FHIT: variants seen among roughly 807,000 people sequenced by gnomAD.
FHIT encodes the protein bis(5'-adenosyl)-triphosphatase.
In FHIT, 19 loss-of-function variants were observed where a neutral mutation model predicts 17.9. That is an observed-to-expected ratio of 1.06 (90% CI 0.74 to 1.56). The LOEUF (loss-of-function observed/expected upper bound fraction) is 1.56, where lower values mean the gene tolerates loss of function less well. Ranked by LOEUF, FHIT falls within the 40% of genes most tolerant of loss-of-function variation. The probability of loss-of-function intolerance (pLI) is 0.00; values close to 1 mark genes in which losing one functional copy is unlikely to be tolerated. For synonymous variants in FHIT, 81 were observed against 69.7 expected (o/e 1.16, Z -0.81); for missense variants, 248 against 189.2 (o/e 1.31, Z -1.82).
intron 4 of FHIT, among the ~76,000 whole-genome samples, chr3:60,644,205 G>A (rs939236436): frequency 1.3e-5 from 2 of 152,164 alleles, no homozygotes; most frequent in Admixed American, 6.5e-5. Context: ...CTGAAAAAGA[G>A]AAAATTTAAC....
At chr3:60,690,318 T>G (rs782163252) in intron 4 of FHIT, 6 of 564,958 alleles carry the variant, frequency 1.1e-5, no homozygotes, top group Non-Finnish European at 1.7e-5. Flanking sequence ...TATCCATGCC[T>G]TCTTTCACCC....
chr3:60,569,507 T>C (rs973899122), intron 4 of FHIT, among the ~76,000 whole-genome samples: 2 of 151,844 alleles, frequency 1.3e-5, no homozygotes, highest in Non-Finnish European at 2.9e-5. Context: ...TACTGAGTAA[T>C]GAGTTAGCAG....
At chr3:60,954,429 A>C (rs1709025563) in intron 3 of FHIT, among the ~76,000 whole-genome samples, 1 of 152,182 alleles carries the variant, frequency 6.6e-6, no homozygotes, top group Admixed American at 6.5e-5. Context: ...TAGGCTCTGG[A>C]GAGTTTAGAG....
chr3:60,895,639 T>C (rs1705751347), intron 3 of FHIT, among the ~76,000 whole-genome samples: 1 of 151,892 alleles, frequency 6.6e-6, no homozygotes, highest in Non-Finnish European at 1.5e-5. Flanking sequence ...CTCCCTTCTT[T>C]CCTTCCTTTC....
intron 5 of FHIT, among the ~76,000 whole-genome samples, chr3:60,334,506 G>A (rs1481387702): frequency 6.6e-6 from 1 of 152,164 alleles, no homozygotes; most frequent in African/African-American, 2.4e-5. Context: ...CTGATGTATT[G>A]GCCAGCACAG....
At chr3:60,655,193 T>C (rs570964648) in intron 4 of FHIT, among the ~76,000 whole-genome samples, 4 of 152,282 alleles carry the variant, frequency 2.6e-5, no homozygotes, top group Non-Finnish European at 4.4e-5. Flanking sequence ...ACCAGGAATG[T>C]TGAAAAGTGA....
At chr3:60,695,728 G>A (rs1393955531) in intron 4 of FHIT, among the ~76,000 whole-genome samples, 2 of 152,140 alleles carry the variant, frequency 1.3e-5, no homozygotes, top group African/African-American at 4.8e-5. Flanking sequence ...GAACAGGGAC[G>A]CTGGGACAAG....
intron 5 of FHIT, among the ~76,000 whole-genome samples, chr3:60,436,241 G>C (rs982355112): frequency 1.3e-5 from 2 of 151,864 alleles, no homozygotes; most frequent in South Asian, 2.1e-4. Context: ...AGAGATGGGA[G>C]ATTTCACCAT....
At chr3:60,464,374 T>C (rs575503173) in intron 5 of FHIT, among the ~76,000 whole-genome samples, 5 of 152,252 alleles carry the variant, frequency 3.3e-5, no homozygotes, top group African/African-American at 1.2e-4. Flanking sequence ...AACAATCCTA[T>C]CATATTTTTA....
chr3:60,935,863 A>C (rs1220078548), intron 3 of FHIT, among the ~76,000 whole-genome samples: 6 of 152,190 alleles, frequency 3.9e-5, no homozygotes, highest in African/African-American at 1.2e-4. Flanking sequence ...ACATGGACAC[A>C]CTTCTGCTTT....
chr3:60,905,197 G>A (rs11926400), intron 3 of FHIT, among the ~76,000 whole-genome samples: 30,496 of 151,918 alleles, frequency 0.2, 3,510 homozygotes, highest in Middle Eastern at 0.31. Context: ...TCTGCAAACC[G>A]AAAACTCTTC....
At position 59,749,284 on chromosome 3, in the gene FHIT, G is replaced by A. The variant is rs1700752553; in HGVS notation, c.*301C>T. On this transcript the variant is annotated 3_prime_UTR_variant, in exon 10 of 10. Coordinates refer to ENST00000492590, the MANE Select transcript of FHIT (RefSeq NM_002012.4). ...TAATAGGTTTGTTGCCTAATTCATGGCAAGTCAATACACCGAGACACAGGG... is the reference window on the plus strand; with the variant it reads ...TAATAGGTTTGTTGCCTAATTCATGACAAGTCAATACACCGAGACACAGGG... The A allele has an allele frequency of 4.3e-6, 1 of 230,720 alleles. No homozygotes were observed. The highest frequency in any genetic ancestry group is 5.7e-5 in the Admixed American group (1 of 17,674). The allele number at this position is 230,720 out of a possible 1,614,324, so 14.3% of individuals were successfully genotyped here.
intron 4 of FHIT, among the ~76,000 whole-genome samples, chr3:60,663,308 A>T (rs182623352): frequency 6.6e-6 from 1 of 151,630 alleles, no homozygotes; most frequent in Non-Finnish European, 1.5e-5. Context: ...TCAAAGATCA[A>T]TTTGGGCAGA....
At chr3:61,141,856 T>C (rs1311966989) in intron 2 of FHIT, among the ~76,000 whole-genome samples, 1 of 151,606 alleles carries the variant, frequency 6.6e-6, no homozygotes, top group Non-Finnish European at 1.5e-5. Flanking sequence ...AATACTTGGT[T>C]ACTCAGGGCT....
intron 7 of FHIT, among the ~76,000 whole-genome samples, chr3:59,951,407 C>T (rs773576889): frequency 5.9e-5 from 9 of 152,196 alleles, no homozygotes; most frequent in African/African-American, 1.4e-4. Flanking sequence ...ACGGCCACTA[C>T]GCCCAAGAAA....
intron 4 of FHIT, among the ~76,000 whole-genome samples, chr3:60,734,126 C>A (rs1553712013): frequency 5.3e-5 from 8 of 152,088 alleles, no homozygotes. Context: ...GGAAAATATA[C>A]AATGCAAGCG....
At chr3:60,979,789 T>C (rs1231350387) in intron 3 of FHIT, among the ~76,000 whole-genome samples, 2 of 152,160 alleles carry the variant, frequency 1.3e-5, no homozygotes, top group Admixed American at 6.5e-5. Context: ...CGCTGTTCTC[T>C]CTCCTGCAAG....
rs150225606 is a variant in FHIT at position 59,887,038 on chromosome 3, G to C, written c.348+35308C>G. Among the ~76,000 whole-genome samples the C allele has an allele frequency of 3.1e-3, 479 of 152,212 alleles. 10 individuals carry two copies. The East Asian group carries it at 0.034, about 11-fold the overall frequency. On this transcript the variant is annotated intron_variant, in intron 8 of 9. Transcript: ENST00000492590. ...AGCAGTCAGTAAATAACTTTGGCTG[G>C]CTGGTTGGCTAAGTGTGTATGGAGC...
chr3:59,943,977 A>G (rs1371440603), intron 7 of FHIT, among the ~76,000 whole-genome samples: 1 of 152,226 alleles, frequency 6.6e-6, no homozygotes, highest in Non-Finnish European at 1.5e-5. Context: ...TTCCCTGACA[A>G]TTAATAATAC....
Sources: gnomAD v4.1 joint callset for allele counts (sites outside exome capture counted in the v4.1 genomes callset) on GRCh38, gnomAD v4.1.1 for gene constraint, MANE v1.5 for transcripts, NCBI Gene and HGNC (gene_info 2026-07-23, HGNC 2026-07-21) for gene names.